PTPRD: variants seen among roughly 807,000 people sequenced by gnomAD.
PTPRD encodes protein tyrosine phosphatase receptor type D.
In PTPRD, 34 loss-of-function variants were observed where a neutral mutation model predicts 214.5. The observed-to-expected ratio is 0.16, with a 90% confidence interval of 0.12 to 0.21. The LOEUF is 0.21. Among genes scored for constraint, PTPRD ranks in the 10% least tolerant of loss-of-function variants. The probability of loss-of-function intolerance (pLI) is 1.00; values close to 1 mark genes in which losing one functional copy is unlikely to be tolerated. For synonymous variants in PTPRD, 1,128 were observed against 845.7 expected (o/e 1.33, Z -5.79); for missense variants, 2,545 against 2,398.7 (o/e 1.06, Z -1.27).
At chr9:10,243,917 A>T (rs538116833) in intron 3 of PTPRD, among the ~76,000 whole-genome samples, 2 of 152,044 alleles carry the variant, frequency 1.3e-5, no homozygotes, top group South Asian at 4.1e-4. Context: ...GAACTGCTAG[A>T]TTTACATCAA....
Position 8,635,548 on chromosome 9 carries a change from A to T in PTPRD, c.210+1151T>A, listed in dbSNP as rs369626217. The stretch of plus-strand genomic sequence containing the variant: ...CCAATGGCAAATTTCTAATTTCACC[A>T]TTGTAATTAATTAGGTTCTCTATAC... On this transcript the variant is annotated intron_variant, in intron 13 of 45. Transcript: ENST00000381196. 5.6e-4 allele frequency among the ~76,000 whole-genome samples: 86 copies of T among 152,262 alleles called. No homozygotes were observed. The East Asian group carries it at 8.9e-3, about 16-fold the overall frequency.
chr9:9,887,442 C>T (rs1047643250), intron 5 of PTPRD, among the ~76,000 whole-genome samples: 2 of 152,068 alleles, frequency 1.3e-5, no homozygotes, highest in Non-Finnish European at 2.9e-5. Flanking sequence ...GGCTGCAATA[C>T]ATATAAAAAA....
chr9:9,315,626 T>C (rs957363041), intron 9 of PTPRD, among the ~76,000 whole-genome samples: 4 of 151,892 alleles, frequency 2.6e-5, no homozygotes, highest in Admixed American at 1.3e-4. Flanking sequence ...TATTGACTTA[T>C]GGATCATGCT....
chr9:9,256,798 C>G (rs2099977906), intron 9 of PTPRD, among the ~76,000 whole-genome samples: 1 of 152,006 alleles, frequency 6.6e-6, no homozygotes, highest in South Asian at 2.1e-4. Flanking sequence ...TCCTGCCTCT[C>G]TGTCTACCTG....
rs766590028 is a variant in PTPRD at position 10,446,168 on chromosome 9, TAC to T, written c.-599-105153_-599-105152del. Among the ~76,000 whole-genome samples, 51 of 152,144 alleles carry T rather than the reference TAC, an allele frequency of 3.4e-4. 2 individuals are homozygous for T. The highest frequency in any genetic ancestry group is 3.4e-3 in the Middle Eastern group (1 of 294). ...AGAAAGAGGAGAAAGGATTTGATGC[TAC>T]AGGTAGTCCGAGATAAAAATGAAGA... On this transcript the variant is annotated intron_variant, in intron 2 of 45. Coordinates refer to ENST00000381196, the MANE Select transcript of PTPRD (RefSeq NM_002839.4).
intron 9 of PTPRD, among the ~76,000 whole-genome samples, chr9:9,374,624 C>A (rs1041775343): frequency 6.6e-6 from 1 of 152,166 alleles, no homozygotes; most frequent in East Asian, 1.9e-4. Context: ...AGACAGTTTA[C>A]ATTTATTTCT....
chr9:9,843,310 G>C (rs1299698606), intron 5 of PTPRD, among the ~76,000 whole-genome samples: 1 of 151,888 alleles, frequency 6.6e-6, no homozygotes, highest in Non-Finnish European at 1.5e-5. Flanking sequence ...GTTACACCTT[G>C]AAATTTTCTC....
intron 14 of PTPRD, among the ~76,000 whole-genome samples, chr9:8,533,026 G>A (rs2076102149): frequency 6.6e-6 from 1 of 152,060 alleles, no homozygotes; most frequent in Non-Finnish European, 1.5e-5. Flanking sequence ...GTCTGACACT[G>A]TTTTGTAGGT....
At chr9:10,372,442 A>G (rs2097645897) in intron 2 of PTPRD, among the ~76,000 whole-genome samples, 1 of 152,064 alleles carries the variant, frequency 6.6e-6, no homozygotes, top group Non-Finnish European at 1.5e-5. Context: ...AGTCAATGAC[A>G]CATATCTGGA....
chr9:10,138,850 G>C (rs76568448), intron 3 of PTPRD, among the ~76,000 whole-genome samples: 1 of 151,876 alleles, frequency 6.6e-6, no homozygotes, highest in Non-Finnish European at 1.5e-5. Context: ...ATCCAACATC[G>C]CTTCATGAAG....
At chr9:8,658,517 G>C (rs1208161598) in intron 12 of PTPRD, among the ~76,000 whole-genome samples, 2 of 152,008 alleles carry the variant, frequency 1.3e-5, no homozygotes, top group African/African-American at 2.4e-5. Context: ...AGTACCAGTA[G>C]CCAATATGTC....
At chr9:10,094,041 C>T (rs1045357347) in intron 3 of PTPRD, among the ~76,000 whole-genome samples, 1 of 151,232 alleles carries the variant, frequency 6.6e-6, no homozygotes, top group Admixed American at 6.6e-5. Context: ...CAGCATCATG[C>T]AATATATCCA....
intron 9 of PTPRD, among the ~76,000 whole-genome samples, chr9:9,339,680 T>C (rs190632545): frequency 6.6e-6 from 1 of 152,114 alleles, no homozygotes; most frequent in East Asian, 1.9e-4. Context: ...AAGAAACACT[T>C]AGAATAGCTA....
chr9:9,767,817 A>T (rs1201202717), intron 5 of PTPRD, among the ~76,000 whole-genome samples: 2 of 152,122 alleles, frequency 1.3e-5, no homozygotes, highest in Non-Finnish European at 2.9e-5. Flanking sequence ...AAACTCAAAG[A>T]ATTTCAGTTC....
chr9:9,950,710 G>T (rs528953358), intron 4 of PTPRD, among the ~76,000 whole-genome samples: 2 of 22,074 alleles, frequency 9.1e-5, no homozygotes, highest in Non-Finnish European at 1.1e-4. Flanking sequence ...GGGCGACAGC[G>T]AGACTCCGTC....
intron 31 of PTPRD, among the ~76,000 whole-genome samples, chr9:8,467,163 T>A (rs769326951): frequency 4.6e-5 from 7 of 152,058 alleles, no homozygotes; most frequent in Non-Finnish European, 8.8e-5. Flanking sequence ...AGTTTATTGA[T>A]GCAATTAAAA....
At chr9:9,865,950 C>T (rs892273996) in intron 5 of PTPRD, among the ~76,000 whole-genome samples, 51 of 152,274 alleles carry the variant, frequency 3.3e-4, no homozygotes, top group African/African-American at 1.2e-3. Flanking sequence ...GTGTGTTCCT[C>T]CCATCTGAAC....
At chr9:9,049,194 G>A (rs1345986422) in intron 10 of PTPRD, among the ~76,000 whole-genome samples, 2 of 152,138 alleles carry the variant, frequency 1.3e-5, no homozygotes, top group African/African-American at 4.8e-5. Flanking sequence ...GAAGAGTTAA[G>A]CCTTAAGGCA....
intron 5 of PTPRD, among the ~76,000 whole-genome samples, chr9:9,776,840 A>T (rs116783107): frequency 1.0e-3 from 154 of 152,294 alleles, no homozygotes; most frequent in African/African-American, 3.7e-3. Context: ...TTCATAGCAC[A>T]CCAGACAGCA....
Sources: allele counts gnomAD v4.1 joint callset (sites outside exome capture counted in the v4.1 genomes callset), GRCh38; gene constraint gnomAD v4.1.1; transcripts MANE v1.5; gene names NCBI Gene and HGNC (gene_info 2026-07-23, HGNC 2026-07-21).